Variants in PGM1 observed in about 807,000 individuals in gnomAD.
The protein encoded by PGM1 is phosphoglucomutase 1.
Under a neutral mutation model 55.6 loss-of-function variants are expected in PGM1, and 52 were observed. That is an observed-to-expected ratio of 0.94 (90% CI 0.75 to 1.18). The LOEUF is 1.18. Ranked by LOEUF, PGM1 falls within the 50% of genes most tolerant of loss-of-function variation. The pLI is 0.00. For synonymous variants in PGM1, 287 were observed against 271.7 expected, an observed-to-expected ratio of 1.06 and a Z score of -0.55; for missense variants, 724 against 729.3, an observed-to-expected ratio of 0.99 and a Z score of 0.08.
rs768094055 is a variant in PGM1, at chr1:63,659,610, A to T, written c.1624A>T (p.Ile542Phe). The T allele has an allele frequency of 3.7e-6, 6 of 1,613,800 alleles. No individual in the cohort carries two copies. The highest frequency in any genetic ancestry group is 1.1e-5 in the South Asian group (1 of 91,060). ...GGTCATGTTGGCCCCCCTTATTTCC[A>T]TTGCTCTGAAAGTGTCCCAGCTGCA... is the stretch of plus-strand genomic sequence containing the variant. ...PQVMLAPLIS[I>F]ALKVSQLQER... Residue 542 changes from isoleucine to phenylalanine, a missense_variant, in exon 11 of 11, where the codon ATT becomes TTT. Coordinates refer to ENST00000371084, the MANE Select transcript of PGM1 (RefSeq NM_002633.3).
Position 63,659,931 on chromosome 1 carries a change from A to G in PGM1, c.*256A>G, listed in dbSNP as rs1650074000. ...CCTCCTGCATTGCTGCTGCGTGGGTATTTGTCTCCTTAGCCATCAGGTACA... is the reference window on the plus strand; with the variant it reads ...CCTCCTGCATTGCTGCTGCGTGGGTGTTTGTCTCCTTAGCCATCAGGTACA... On this transcript the variant is annotated 3_prime_UTR_variant, in exon 11 of 11. Coordinates refer to ENST00000371084, the MANE Select transcript of PGM1 (RefSeq NM_002633.3). 2 of 583,000 alleles carry G rather than the reference A, an allele frequency of 3.4e-6. No individual in the cohort carries two copies. Among genetic ancestry groups the G allele is most frequent in the Admixed American group, 2.8e-5 (1 of 35,516 alleles). 36.1% of individuals were successfully genotyped at this position (583,000 alleles called of 1,614,324 possible). A position where few individuals can be genotyped will look rare whatever the true frequency, so the allele number is the denominator to read the frequency against.
chr1:63,623,756 A>T (rs765310432), intron 1 of PGM1: 4 of 1,606,538 alleles, frequency 2.5e-6, no homozygotes, highest in Non-Finnish European at 3.4e-6. Flanking sequence ...GCAGCTGCCA[A>T]TGGGGTGGGT....
chr1:63,603,885 T>C (rs78646432), intron 1 of PGM1, among the ~76,000 whole-genome samples: 41 of 152,344 alleles, frequency 2.7e-4, no homozygotes, highest in Non-Finnish European at 4.9e-4. Context: ...AATTTCACTC[T>C]TGTCTTCTTT....
At chr1:63,633,930 A>ATTTTTATTTT (rs200244789) in intron 4 of PGM1, among the ~76,000 whole-genome samples, 2 of 71,318 alleles carry the variant, frequency 2.8e-5, no homozygotes, top group African/African-American at 1.7e-4. Context: ...ATATATATAT[A>ATTTTTATTTT]TATTTTTTTT....
At chr1:63,612,980 G>A (rs569256388) in intron 1 of PGM1, among the ~76,000 whole-genome samples, 1 of 152,110 alleles carries the variant, frequency 6.6e-6, no homozygotes, top group Non-Finnish European at 1.5e-5. Flanking sequence ...AAATATTTTA[G>A]TCACTCACAC....
intron 1 of PGM1, among the ~76,000 whole-genome samples, chr1:63,613,685 G>A (rs559934912): frequency 1.3e-5 from 2 of 149,450 alleles, no homozygotes; most frequent in Non-Finnish European, 3.0e-5. Flanking sequence ...AGGTTCCTGG[G>A]TTAAGACTTC....
At chr1:63,600,294 T>C (rs977463706) in intron 1 of PGM1, 1 of 152,268 alleles carries the variant, frequency 6.6e-6, no homozygotes, top group Non-Finnish European at 1.5e-5. Context: ...TTTTCTTTTT[T>C]AATCAAATCT....
intron 8 of PGM1, 57 bp from the exon 9 acceptor site, chr1:63,651,612 A>C: frequency 6.7e-7 from 1 of 1,487,344 alleles, no homozygotes. Context: ...GCTGACTGAT[A>C]GGCCTTGGTG....
chr1:63,608,449 A>G (rs1028099804), intron 1 of PGM1, among the ~76,000 whole-genome samples: 2 of 152,238 alleles, frequency 1.3e-5, no homozygotes, highest in African/African-American at 4.8e-5. Flanking sequence ...ATAGAACTTG[A>G]AACCCAAATG....
At chr1:63,631,569 C>A in intron 3 of PGM1, 88 bp from the exon 4 acceptor site, 3 of 1,230,414 alleles carry the variant, frequency 2.4e-6, no homozygotes, top group Non-Finnish European at 3.6e-6. Flanking sequence ...ATAGCAATAG[C>A]AGGTTTACAG....
rs1647931740 is a variant in PGM1, at chr1:63,593,597, G to A, written c.109G>A (p.Glu37Lys). 1.2e-6 allele frequency: 2 copies of A among 1,613,634 alleles called. No homozygotes were observed. The highest frequency in any genetic ancestry group is 1.1e-5 in the South Asian group (1 of 91,024). ...KVFQSSANYA[E>K]NFIQSIISTV... The stretch of plus-strand genomic sequence containing the variant: ...GTTCCAGAGCAGCGCCAACTACGCG[G>A]AGAACTTCATCCAGAGTATCATCTC... Residue 37 changes from glutamate to lysine, a missense_variant, in exon 1 of 11, where the codon GAG (glutamate) becomes AAG (lysine). Glu to Lys is a moderately conservative substitution (Grantham distance 56). This residue lies in a region of PGM1 where 379 missense variants were observed against 357.5 expected (regional missense o/e 1.06). Coordinates refer to ENST00000371084, the MANE Select transcript of PGM1 (RefSeq NM_002633.3).
rs1648929377 is a variant in PGM1, at chr1:63,623,212, C to T, written c.247-6213C>T. ...TTGGTTAAGTGGGCAGAAGTGTCCT[C>T]ATCAAAACAACTTTGAAGACCTGCT... On this transcript the variant is annotated intron_variant, in intron 1 of 10. Transcript: ENST00000371084. The T allele has an allele frequency of 3.7e-6, 5 of 1,350,168 alleles. No homozygotes were observed. The African/African-American group carries it at 5.8e-5, about 16-fold the overall frequency. 83.6% of individuals were successfully genotyped at this position (1,350,168 alleles called of 1,614,324 possible).
At chr1:63,653,005 G>A (rs1224979493) in intron 9 of PGM1, among the ~76,000 whole-genome samples, 1 of 152,184 alleles carries the variant, frequency 6.6e-6, no homozygotes, top group Non-Finnish European at 1.5e-5. Context: ...AGAAGTTTGT[G>A]TCATTAAGCC....
intron 1 of PGM1, among the ~76,000 whole-genome samples, chr1:63,608,139 A>T (rs1404824909): frequency 8.0e-6 from 1 of 124,946 alleles, no homozygotes; most frequent in Non-Finnish European, 1.7e-5. Context: ...AGATGAATGT[A>T]CTCAACTGGC....
rs539335240 is a variant in PGM1, at chr1:63,617,724, T to A, written c.247-11701T>A. 1.9e-4 allele frequency among the ~76,000 whole-genome samples: 9 copies of A among 48,366 alleles called. No individual in the cohort carries two copies. In the East Asian group the frequency reaches 6.0e-3, roughly 32 times the overall value. 31.7% of individuals were successfully genotyped at this position (48,366 alleles called of 152,430 possible). Reference sequence around the variant, plus strand: ...GCCTGGGAGACAGAGTGACTCTGCCTCCCCACAAAAAAAAAAAAAAAAAAA... The same window carrying A: ...GCCTGGGAGACAGAGTGACTCTGCCACCCCACAAAAAAAAAAAAAAAAAAA... On this transcript the variant is annotated intron_variant, in intron 1 of 10. Transcript: ENST00000371084.
At chr1:63,646,304 C>T (rs975580563) in intron 7 of PGM1, among the ~76,000 whole-genome samples, 3 of 152,026 alleles carry the variant, frequency 2.0e-5, no homozygotes, top group African/African-American at 7.2e-5. Context: ...AAATAAGGCT[C>T]CATGTAGACT....
Position 63,659,741 on chromosome 1 carries a change from C to A in PGM1, c.*66C>A. On this transcript the variant is annotated 3_prime_UTR_variant, in exon 11 of 11. Transcript: ENST00000371084. ...CCATCCAAGTCATCTGATTGAAGAG[C>A]ATGACAGAAACAAAATGTATTCACC... 1 of 1,207,192 alleles carries A rather than the reference C, an allele frequency of 8.3e-7. No individual in the cohort carries two copies. Among genetic ancestry groups the A allele is most frequent in the Non-Finnish European group, 1.2e-6 (1 of 809,926 alleles). 74.8% of individuals were successfully genotyped at this position (1,207,192 alleles called of 1,614,324 possible).
intron 1 of PGM1, among the ~76,000 whole-genome samples, chr1:63,608,586 G>A (rs943987130): frequency 1.5e-4 from 23 of 152,154 alleles, no homozygotes; most frequent in African/African-American, 5.3e-4. Context: ...AAAACTATTA[G>A]GTTATACCAC....
chr1:63,640,563 C>T (rs925191796), intron 7 of PGM1, among the ~76,000 whole-genome samples: 8 of 151,976 alleles, frequency 5.3e-5, no homozygotes, highest in East Asian at 1.9e-4. Flanking sequence ...ATTATCATTT[C>T]GTAGTATGTA....
Sources: allele counts gnomAD v4.1 joint callset (sites outside exome capture counted in the v4.1 genomes callset), GRCh38; gene constraint gnomAD v4.1.1; regional missense constraint gnomAD v4.1.1; transcripts MANE v1.5; gene names NCBI Gene and HGNC (gene_info 2026-07-23, HGNC 2026-07-21).